Variants in EVC2 observed in about 807,000 individuals in gnomAD.
EVC2 encodes EvC ciliary complex subunit 2.
Under a neutral mutation model 149.3 loss-of-function variants are expected in EVC2, and 148 were observed. That is an observed-to-expected ratio of 0.99 (90% CI 0.87 to 1.14). The LOEUF is 1.14. EVC2 is among the 50% of genes most tolerant of loss of function. EVC2 has a pLI of 0.00. For synonymous variants in EVC2, 776 were observed against 649.9 expected (o/e 1.19, Z -2.95); for missense variants, 1,854 against 1,627.3 (o/e 1.14, Z -2.40).
At chr4:5,681,034 G>C in intron 7 of EVC2, among the ~76,000 whole-genome samples, 1 of 152,218 alleles carries the variant, frequency 6.6e-6, no homozygotes, top group East Asian at 1.9e-4. Context: ...AGCCTGTCCA[G>C]CCCACGGCCT....
intron 1 of EVC2, among the ~76,000 whole-genome samples, chr4:5,706,457 C>CATAGATAGATAGATAG (rs1722200720): frequency 2.3e-5 from 2 of 87,232 alleles, no homozygotes; most frequent in African/African-American, 4.5e-5. Flanking sequence ...TACATACATA[C>CATAGATAGATAGATAG]ATACATACAT....
chr4:5,593,063 G>T (rs1712976201), intron 16 of EVC2, among the ~76,000 whole-genome samples: 1 of 152,170 alleles, frequency 6.6e-6, no homozygotes, highest in South Asian at 2.1e-4. Flanking sequence ...CTGCTGCCAT[G>T]TGAAGAAGTA....
At chr4:5,573,625 T>C (rs568504211) in intron 19 of EVC2, among the ~76,000 whole-genome samples, 62 of 152,288 alleles carry the variant, frequency 4.1e-4, no homozygotes, top group Admixed American at 6.5e-4. Flanking sequence ...GAGAAACCGA[T>C]GTTGGATTTC....
At chr4:5,708,058 G>A (rs1560245526) in intron 1 of EVC2, 2 of 423,642 alleles carry the variant, frequency 4.7e-6, no homozygotes, top group African/African-American at 2.1e-5. Context: ...AGGGTCGCTG[G>A]TGAAGTCCAA....
In EVC2 at chr4:5,569,435, G is replaced by T. The variant is rs1235543308; in HGVS notation, c.3361-795C>A. On this transcript the variant is annotated intron_variant, in intron 19 of 21. Coordinates refer to ENST00000344408, the MANE Select transcript of EVC2 (RefSeq NM_147127.5). This position sits in a 1 kb window ranked among gnomAD's most constrained non-coding sequence, Gnocchi z 4.8. ...GACAGGAACCATTGGGGAAAATTGA[G>T]TGAAACTCTCTGAAACTCTATACTA... Among the ~76,000 whole-genome samples, 4 of 152,348 alleles carry T rather than the reference G, an allele frequency of 2.6e-5. No homozygotes were observed. The highest frequency in any genetic ancestry group is 3.9e-4 in the East Asian group (2 of 5,180).
rs180892583 is a variant in EVC2 at position 5,611,493 on chromosome 4, A to G, written c.2829+3929T>C. 4.6e-3 allele frequency among the ~76,000 whole-genome samples: 704 copies of G among 152,300 alleles called. 1 individual carries two copies. The highest frequency in any genetic ancestry group is 0.01 in the Middle Eastern group (3 of 294). On this transcript the variant is annotated intron_variant, in intron 16 of 21. Coordinates refer to ENST00000344408, the MANE Select transcript of EVC2 (RefSeq NM_147127.5). ...ACTATGATGAAAGCAGAGGCCTGGG[A>G]GAGTAATAAACTTCTAAAGGACCAT...
chr4:5,531,631 G>T, the EVC2 span, among the ~76,000 whole-genome samples: 7 of 152,010 alleles, frequency 4.6e-5, no homozygotes, highest in African/African-American at 1.7e-4. Context: ...ACATGCGAGG[G>T]ATCTAGGTTG....
rs187089162 is a variant in EVC2, at chr4:5,622,448, T to C, written c.2501+89A>G. On this transcript the variant is annotated intron_variant, in intron 14 of 21. Transcript: ENST00000344408. This position sits in a 1 kb window ranked among gnomAD's most constrained non-coding sequence, Gnocchi z 5.8. ...CATCTGTCTGGGGCCAGGTGTCTCATGCTTGGCCATCCCCACAACCACAGG... is the reference window on the plus strand; with the variant it reads ...CATCTGTCTGGGGCCAGGTGTCTCACGCTTGGCCATCCCCACAACCACAGG... 3 of 1,457,600 alleles carry C rather than the reference T, an allele frequency of 2.1e-6. No homozygotes were observed. Among genetic ancestry groups the C allele is most frequent in the African/African-American group, 2.8e-5 (2 of 71,432 alleles). The allele number at this position is 1,457,600 out of a possible 1,614,324, so 90.3% of individuals were successfully genotyped here. A position where few individuals can be genotyped will look rare whatever the true frequency, so the allele number is the denominator to read the frequency against.
At chr4:5,540,907 C>G (rs1329445735), downstream of EVC2, among the ~76,000 whole-genome samples, 1 of 152,168 alleles carries the variant, frequency 6.6e-6, no homozygotes, top group Admixed American at 6.6e-5. Context: ...TGGACACCAT[C>G]TACTGCTGGC....
At chr4:5,574,258 A>G (rs1040287814) in intron 19 of EVC2, among the ~76,000 whole-genome samples, 5 of 152,116 alleles carry the variant, frequency 3.3e-5, no homozygotes, top group Admixed American at 3.3e-4. Flanking sequence ...TGAGTCTGCA[A>G]CTCTGGCCAA....
At position 5,685,476 on chromosome 4, in the gene EVC2, C is replaced by G; in HGVS notation, c.710G>C (p.Gly237Ala). 1 of 1,614,058 alleles carries G rather than the reference C, an allele frequency of 6.2e-7. No homozygotes were observed. Among genetic ancestry groups the G allele is most frequent in the Non-Finnish European group, 8.5e-7 (1 of 1,179,964 alleles). The change falls in exon 6 of 22, where the codon GGA (glycine) becomes GCA (alanine). Residue 237 changes from glycine (G) to alanine (A), a missense_variant. By Grantham distance (60) the Gly-to-Ala change is moderately conservative. Coordinates refer to ENST00000344408, the MANE Select transcript of EVC2 (RefSeq NM_147127.5). ...TGCGTAGCTGACAGCAAAGGCATCT[C>G]CCACTGCGCAGAGAAAAGCACATGT... ...QAFSKKFLQV[G>A]DAFAVSYAAT...
At chr4:5,703,245 G>A (rs1003855723) in intron 1 of EVC2, among the ~76,000 whole-genome samples, 1 of 152,162 alleles carries the variant, frequency 6.6e-6, no homozygotes, top group Admixed American at 6.5e-5. Context: ...GCATATCATT[G>A]TAACTATTAT....
Position 5,678,112 on chromosome 4 carries a change from G to A in EVC2, c.870+3148C>T, listed in dbSNP as rs528180149. ...AGGGCTGGGCCTCAGCTGATGTCTGGGAACATGGATTTTGGGAGGGTTTCC... is the reference window on the plus strand; with the variant it reads ...AGGGCTGGGCCTCAGCTGATGTCTGAGAACATGGATTTTGGGAGGGTTTCC... On this transcript the variant is annotated intron_variant, in intron 7 of 21. Coordinates refer to ENST00000344408, the MANE Select transcript of EVC2 (RefSeq NM_147127.5). 3.5e-4 allele frequency among the ~76,000 whole-genome samples: 54 copies of A among 152,330 alleles called. 1 individual carries two copies. The South Asian group carries it at 0.011, about 30-fold the overall frequency.
intron 16 of EVC2, among the ~76,000 whole-genome samples, chr4:5,605,283 G>A (rs1233678886): frequency 6.6e-6 from 1 of 152,188 alleles, no homozygotes; most frequent in Non-Finnish European, 1.5e-5. Context: ...CAGATCTCTG[G>A]AGTGTGCTCT....
rs147283353 is a variant in EVC2 at position 5,699,227 on chromosome 4, G to C, written c.229-1580C>G. ...GGAAGAGGGAAAATGGGTGCAGCTC[G>C]ATCCAGACAGGCTTCTACCAAACCC... On this transcript the variant is annotated intron_variant, in intron 1 of 21. Transcript: ENST00000344408. Among the ~76,000 whole-genome samples, 62 of 152,318 alleles carry C rather than the reference G, an allele frequency of 4.1e-4. No individual in the cohort carries two copies. The East Asian group carries it at 0.012, about 28-fold the overall frequency.
chr4:5,570,743 C>A (rs983656674), intron 19 of EVC2, among the ~76,000 whole-genome samples: 3 of 152,098 alleles, frequency 2.0e-5, no homozygotes, highest in African/African-American at 4.8e-5. Flanking sequence ...TGGAACCAAC[C>A]AAAGTGCCCA....
In EVC2 at chr4:5,565,301, T is replaced by C; in HGVS notation, c.3616A>G (p.Arg1206Gly). The change falls in exon 21 of 22, where the codon AGA becomes GGA. Residue 1206 changes from arginine (R) to glycine (G), a missense_variant. Transcript: ENST00000344408. ...DGKLRGDLIS[R>G]GLEKMLWARK... ...GCCCACAGCATCTTTTCTAATCCTCTGCTTATCAGATCTCCTCGCAGTTTG... is the reference window on the plus strand; with the variant it reads ...GCCCACAGCATCTTTTCTAATCCTCCGCTTATCAGATCTCCTCGCAGTTTG... 21 of 1,614,116 alleles carry C rather than the reference T, an allele frequency of 1.3e-5. No homozygotes were observed. Among genetic ancestry groups the C allele is most frequent in the Non-Finnish European group, 1.8e-5 (21 of 1,180,004 alleles).
chr4:5,620,400 G>C (rs1715602978), intron 14 of EVC2, among the ~76,000 whole-genome samples: 1 of 152,168 alleles, frequency 6.6e-6, no homozygotes, highest in Non-Finnish European at 1.5e-5. Flanking sequence ...TTGCCCTGAA[G>C]GAGTTTGAAA....
chr4:5,656,347 G>C (rs552251955), intron 9 of EVC2, among the ~76,000 whole-genome samples: 1 of 151,978 alleles, frequency 6.6e-6, no homozygotes. Flanking sequence ...ACTTCTTCTC[G>C]AGGTCCCTCA....
Sources: gnomAD v4.1 joint callset for allele counts (sites outside exome capture counted in the v4.1 genomes callset) on GRCh38, gnomAD v4.1.1 for gene constraint, Gnocchi (gnomAD v3.1) non-coding constraint, MANE v1.5 for transcripts, NCBI Gene and HGNC (gene_info 2026-07-23, HGNC 2026-07-21) for gene names.